HSBP1L1: variants seen among roughly 807,000 people sequenced by gnomAD.
HSBP1L1 encodes heat shock factor-binding protein 1-like protein 1.
A neutral mutation model predicts 9.7 loss-of-function variants in HSBP1L1; 8 were observed. The observed-to-expected ratio is 0.82, with a 90% CI of 0.48 to 1.48. HSBP1L1 has a LOEUF of 1.48. Ranked by LOEUF, HSBP1L1 falls within the 40% of genes most tolerant of loss-of-function variation. The pLI, the probability that HSBP1L1 is intolerant of heterozygous loss-of-function variation, is 0.00. For synonymous variants in HSBP1L1, 39 were observed against 34.4 expected (o/e 1.13, Z -0.46); for missense variants, 106 against 95.8 (o/e 1.11, Z -0.44).
chr18:79,967,950 G>C (rs1166998784), intron 2 of HSBP1L1, 139 bp from the exon 3 acceptor site: 2 of 557,286 alleles, frequency 3.6e-6, no homozygotes, highest in Non-Finnish European at 6.4e-6. Flanking sequence ...AAGCTGATTT[G>C]CATGGACACT....
At chr18:79,966,537 C>T in intron 1 of HSBP1L1, 75 bp from the exon 2 acceptor site, 2 of 1,065,640 alleles carry the variant, frequency 1.9e-6, no homozygotes, top group Non-Finnish European at 1.4e-6. Context: ...AACAAGACTT[C>T]ATCTCAGAAA....
chr18:79,968,480 C>T (rs1207454537), intron 3 of HSBP1L1, among the ~76,000 whole-genome samples: 2 of 152,156 alleles, frequency 1.3e-5, no homozygotes, highest in African/African-American at 4.8e-5. Flanking sequence ...ACATGCACCA[C>T]CACACCCAGC....
chr18:79,965,194 C>A (rs975432750), intron 1 of HSBP1L1, among the ~76,000 whole-genome samples: 1 of 152,118 alleles, frequency 6.6e-6, no homozygotes, highest in African/African-American at 2.4e-5. Flanking sequence ...CCACGAGTGT[C>A]GCAGCGCCCA....
At chr18:79,969,394 A>AAAG (rs1555716382) in intron 3 of HSBP1L1, among the ~76,000 whole-genome samples, 5 of 80,302 alleles carry the variant, frequency 6.2e-5, no homozygotes, top group Admixed American at 1.4e-4. Flanking sequence ...AAAGAAAGAA[A>AAAG]AAAAAACGAT....
intron 2 of HSBP1L1, among the ~76,000 whole-genome samples, chr18:79,967,337 T>C (rs1372512870): frequency 6.6e-6 from 1 of 152,140 alleles, no homozygotes; most frequent in East Asian, 1.9e-4. Context: ...GGATCCCAGA[T>C]ACGGCTCTCC....
At chr18:79,969,394 A>AGAAAGAAAGAAAAAG (rs35959688) in intron 3 of HSBP1L1, among the ~76,000 whole-genome samples, 1 of 80,302 alleles carries the variant, frequency 1.2e-5, no homozygotes, top group African/African-American at 4.7e-5. Flanking sequence ...AAAGAAAGAA[A>AGAAAGAAAGAAAAAG]AAAAAACGAT....
Position 79,964,749 on chromosome 18 carries a change from G to T in HSBP1L1, c.14G>T (p.Gly5Val). 7.1e-7 allele frequency: 1 copy of T among 1,417,664 alleles called. No individual in the cohort carries two copies. The highest frequency in any genetic ancestry group is 9.2e-7 in the Non-Finnish European group (1 of 1,087,782). 87.8% of individuals were successfully genotyped at this position (1,417,664 alleles called of 1,614,324 possible). A position where few individuals can be genotyped will look rare whatever the true frequency, so the allele number is the denominator to read the frequency against. Residue 5 changes from glycine to valine, a missense_variant, in exon 1 of 4, where the codon GGC becomes GTC. Physicochemically the swap from Gly to Val is moderately radical, Grantham distance 109. Coordinates refer to ENST00000451882, the MANE Select transcript of HSBP1L1 (RefSeq NM_001136180.2). MDVRGPEAPGGRALR... is the reference protein window; with the variant it reads MDVRVPEAPGGRALR... ...CCAGCGGTCCACATGGACGTGCGGGGCCCTGAAGCCCCCGGCGGGCGCGCG... is the reference window on the plus strand; with the variant it reads ...CCAGCGGTCCACATGGACGTGCGGGTCCCTGAAGCCCCCGGCGGGCGCGCG...
At position 79,964,694 on chromosome 18, in the gene HSBP1L1, G is replaced by A; in HGVS notation, c.-42G>A. 3 of 1,274,482 alleles carry A rather than the reference G, an allele frequency of 2.4e-6. No homozygotes were observed. The highest frequency in any genetic ancestry group is 3.0e-5 in the Admixed American group (1 of 33,374). 78.9% of individuals were successfully genotyped at this position (1,274,482 alleles called of 1,614,324 possible). ...CGCCACCTCGCGCCGGGTCCGCGCG[G>A]CCCACGGGACCCCCCACTGACGCCC... is the stretch of plus-strand genomic sequence containing the variant. On this transcript the variant is annotated 5_prime_UTR_variant, in exon 1 of 4. Coordinates refer to ENST00000451882, the MANE Select transcript of HSBP1L1 (RefSeq NM_001136180.2).
chr18:79,966,718 G>C (rs573770875), intron 2 of HSBP1L1, 40 bp downstream of exon 2: 1 of 1,363,054 alleles, frequency 7.3e-7, no homozygotes, highest in Non-Finnish European at 1.0e-6. Flanking sequence ...TGATTCTTTC[G>C]GACTGGTAGA....
intron 3 of HSBP1L1, among the ~76,000 whole-genome samples, chr18:79,968,773 C>T (rs956123303): frequency 4.6e-5 from 7 of 152,150 alleles, no homozygotes; most frequent in Middle Eastern, 3.4e-3. Context: ...CAGTGCAACC[C>T]GAACCTCATC....
rs1196229410 is a variant in HSBP1L1 at position 79,968,152 on chromosome 18, CT to C, written c.183del (p.Gly62AlafsTer11). 3 of 1,547,228 alleles carry C rather than the reference CT, an allele frequency of 1.9e-6. No individual in the cohort carries two copies. On this transcript the variant is annotated frameshift_variant, in exon 3 of 4. Coordinates refer to ENST00000451882, the MANE Select transcript of HSBP1L1 (RefSeq NM_001136180.2). LOFTEE classifies it low-confidence loss of function (END_TRUNC). ...QKNVKDLMVQ[A>X]GIENSIKEQM... ...AATGTCAAGGACTTAATGGTGCAAG[CT>C]GGCATTGAAAATTCTATTAAAGAAC...
At position 79,964,677 on chromosome 18, in the gene HSBP1L1, C is replaced by T; in HGVS notation, c.-59C>T. On this transcript the variant is annotated 5_prime_UTR_variant, in exon 1 of 4. Coordinates refer to ENST00000451882, the MANE Select transcript of HSBP1L1 (RefSeq NM_001136180.2). ...TCGCGGAGCTTAGCTGTCGCCACCT[C>T]GCGCCGGGTCCGCGCGGCCCACGGG... The T allele has an allele frequency of 1.9e-6, 2 of 1,033,776 alleles. No individual in the cohort carries two copies. The highest frequency in any genetic ancestry group is 1.7e-5 in the African/African-American group (1 of 58,716). The allele number at this position is 1,033,776 out of a possible 1,614,324, so 64.0% of individuals were successfully genotyped here.
At chr18:79,964,817 T>G in intron 1 of HSBP1L1, 31 bp downstream of exon 1, 2 of 952,332 alleles carry the variant, frequency 2.1e-6, no homozygotes, top group Non-Finnish European at 2.6e-6. Context: ...TGCTTCTCTC[T>G]GGATGGGGGC....
At chr18:79,965,032 G>T (rs1278714762) in intron 1 of HSBP1L1, among the ~76,000 whole-genome samples, 4 of 137,032 alleles carry the variant, frequency 2.9e-5, no homozygotes, top group South Asian at 5.2e-4. Flanking sequence ...GTCCTGGGGG[G>T]GCCTGAGGTG....
intron 1 of HSBP1L1, 35 bp downstream of exon 1, chr18:79,964,821 T>A: frequency 1.2e-6 from 1 of 820,002 alleles, no homozygotes; most frequent in Middle Eastern, 4.2e-4. Context: ...TCTCTCTGGA[T>A]GGGGGCGCCC....
chr18:79,969,339 G>A (rs1396901326), intron 3 of HSBP1L1, among the ~76,000 whole-genome samples: 1 of 18,780 alleles, frequency 5.3e-5, no homozygotes, highest in Non-Finnish European at 1.4e-4. Flanking sequence ...GAAAAAGAAA[G>A]AAAGAAAGAA....
intron 3 of HSBP1L1, 145 bp from the exon 4 acceptor site, chr18:79,970,295 C>G (rs1158357508): frequency 3.1e-6 from 2 of 640,786 alleles, no homozygotes; most frequent in African/African-American, 3.6e-5. Flanking sequence ...ATGAGATAAA[C>G]TTGAAATACA....
At position 79,969,386 on chromosome 18, in the gene HSBP1L1, A is replaced by AGAAG. The variant is rs2051282202; in HGVS notation, c.214-1051_214-1050insGGAA. ...AAGAAAGAAAGAAAGAAAGAAAGAA[A>AGAAG]GAAAGAAAAAAAAACGATGCAGAAT... On this transcript the variant is annotated intron_variant, in intron 3 of 3. Transcript: ENST00000451882. 8.2e-4 allele frequency among the ~76,000 whole-genome samples: 51 copies of AGAAG among 62,428 alleles called. 2 individuals carry two copies. The Admixed American group carries it at 8.6e-3, about 11-fold the overall frequency. The allele number at this position is 62,428 out of a possible 152,430, so 41.0% of individuals were successfully genotyped here.
chr18:79,969,306 G>GGAA (rs1568356494), intron 3 of HSBP1L1, among the ~76,000 whole-genome samples: 4 of 64,358 alleles, frequency 6.2e-5, no homozygotes, highest in African/African-American at 2.1e-4. Flanking sequence ...GAGAGAGAGA[G>GGAA]AGAAAGGAAA....
Sources: gnomAD v4.1 joint callset for allele counts (sites outside exome capture counted in the v4.1 genomes callset) on GRCh38, gnomAD v4.1.1 for gene constraint, MANE v1.5 for transcripts, NCBI Gene and HGNC (gene_info 2026-07-23, HGNC 2026-07-21) for gene names.